Variants in KIT observed in about 807,000 individuals in gnomAD.
KIT encodes the protein KIT proto-oncogene, receptor tyrosine kinase.
A neutral mutation model predicts 105.7 loss-of-function variants in KIT; 16 were observed. That is an observed-to-expected ratio of 0.15 (90% CI 0.10 to 0.23). The LOEUF (loss-of-function observed/expected upper bound fraction) is 0.23, where lower values mean the gene tolerates loss of function less well. Among genes scored for constraint, KIT ranks in the 10% least tolerant of loss-of-function variants. The probability of loss-of-function intolerance (pLI) is 1.00; values close to 1 mark genes in which losing one functional copy is unlikely to be tolerated. For synonymous variants in KIT, 438 were observed against 441.1 expected (o/e 0.99, Z 0.09); for missense variants, 858 against 1,213.8 (o/e 0.71, Z 4.36).
rs140469176 is a variant in KIT at position 54,698,450 on chromosome 4, G to A, written c.504G>A (p.Ala168=). 4.1e-4 allele frequency: 655 copies of A among 1,614,140 alleles called. No individual in the cohort carries two copies. The highest frequency in any genetic ancestry group is 5.1e-4 in the Non-Finnish European group (604 of 1,180,026). Reference sequence around the variant, plus strand: ...TGAGGTTTATTCCTGACCCCAAGGCGGGCATCATGATCAAAAGTGTGAAAC... The same window carrying A: ...TGAGGTTTATTCCTGACCCCAAGGCAGGCATCATGATCAAAAGTGTGAAAC... ...KDLRFIPDPK[A]GIMIKSVKRA... Residue 168 remains alanine (A), a synonymous_variant, in exon 3 of 21, where the codon GCG becomes GCA. Transcript: ENST00000288135.
At chr4:54,689,593 C>G (rs1013413968) in intron 1 of KIT, among the ~76,000 whole-genome samples, 1 of 152,124 alleles carries the variant, frequency 6.6e-6, no homozygotes, top group African/African-American at 2.4e-5. Context: ...GAGGGGCTCA[C>G]AGAGGCTAAT....
At chr4:54,698,904 T>A (rs1304773912) in intron 3 of KIT, among the ~76,000 whole-genome samples, 1 of 152,208 alleles carries the variant, frequency 6.6e-6, no homozygotes, top group Non-Finnish European at 1.5e-5. Flanking sequence ...GTTGAAAAGA[T>A]TAGCATGCAG....
At chr4:54,710,573 C>G (rs1195260069) in intron 7 of KIT, among the ~76,000 whole-genome samples, 1 of 143,304 alleles carries the variant, frequency 7.0e-6, no homozygotes, top group Non-Finnish European at 1.5e-5. Flanking sequence ...GAGACAGAGT[C>G]TCTCACTCTC....
At chr4:54,662,599 A>G (rs1170905215) in intron 1 of KIT, among the ~76,000 whole-genome samples, 2 of 152,146 alleles carry the variant, frequency 1.3e-5, no homozygotes, top group African/African-American at 4.8e-5. Context: ...TAAAGACAGT[A>G]TCTTGCCCTG....
chr4:54,675,024 A>G (rs1718367723), intron 1 of KIT, among the ~76,000 whole-genome samples: 1 of 152,282 alleles, frequency 6.6e-6, no homozygotes, highest in East Asian at 1.9e-4. Flanking sequence ...CCCACTGAAA[A>G]ATTTGCATAT....
chr4:54,731,995 G>T lies in KIT; in HGVS notation c.2358G>T (p.Lys786Asn), dbSNP rs202144208. The T allele has an allele frequency of 3.7e-6, 6 of 1,604,418 alleles. No individual in the cohort carries two copies. The highest frequency in any genetic ancestry group is 5.1e-6 in the Non-Finnish European group (6 of 1,174,240). The change falls in exon 16 of 21, where the codon AAG (lysine) becomes AAT (asparagine). Residue 786 changes from lysine (K) to asparagine (N), a missense_variant. By Grantham distance (94) the Lys-to-Asn change is moderately conservative. This residue lies in a region of KIT where 158 missense variants were observed against 218.7 expected (regional missense o/e 0.72). Coordinates refer to ENST00000288135, the MANE Select transcript of KIT (RefSeq NM_000222.3). ...VAKGMAFLAS[K>N]NCIHRDLAAR... ...AGGGCATGGCTTTCCTCGCCTCCAAGAATGTAAGTGGGAGTGATTCTCTAA... is the reference window on the plus strand; with the variant it reads ...AGGGCATGGCTTTCCTCGCCTCCAATAATGTAAGTGGGAGTGATTCTCTAA...
intron 1 of KIT, among the ~76,000 whole-genome samples, chr4:54,688,608 G>A (rs1577942910): frequency 6.6e-6 from 1 of 152,182 alleles, no homozygotes; most frequent in African/African-American, 2.4e-5. Flanking sequence ...GTTGACCTGG[G>A]CCAGCCACTG....
intron 1 of KIT, among the ~76,000 whole-genome samples, chr4:54,675,823 G>A (rs537764211): frequency 1.3e-5 from 2 of 152,318 alleles, no homozygotes; most frequent in South Asian, 2.1e-4. Flanking sequence ...GGCTGTGGAT[G>A]TGGGCTCCGG....
Position 54,727,928 on chromosome 4 carries a change from G to A in KIT, c.1879+1G>A, listed in dbSNP as rs794726675. 1 of 1,613,726 alleles carries A rather than the reference G, an allele frequency of 6.2e-7. No individual in the cohort carries two copies. Among genetic ancestry groups the A allele is most frequent in the Non-Finnish European group, 8.5e-7 (1 of 1,179,652 alleles). On this transcript the variant is annotated splice_donor_variant, in intron 12 of 20. Transcript: ENST00000288135. LOFTEE classifies it high-confidence loss of function. The stretch of plus-strand genomic sequence containing the variant: ...ACTGTCGCTGTAAAGATGCTCAAGC[G>A]TAAGTTCCTGTATGGTACTGCATGC...
rs3033777 is a variant in KIT, at chr4:54,664,582, ATTATTTATTTAT to A, written c.67+6534_67+6545del. Among the ~76,000 whole-genome samples, 1,303 of 144,362 alleles carry A rather than the reference ATTATTTATTTAT, an allele frequency of 9.0e-3. 15 individuals carry two copies. The highest frequency in any genetic ancestry group is 0.028 in the African/African-American group (1,061 of 38,472). The allele number at this position is 144,362 out of a possible 152,430, so 94.7% of individuals were successfully genotyped here. Reference sequence around the variant, plus strand: ...CAAGACTAAGGGAGAGTCTGTTTTTATTATTTATTTATTTATTTATTTATTTATTTATTTATT... The same window carrying A: ...CAAGACTAAGGGAGAGTCTGTTTTTATTATTTATTTATTTATTTATTTATT... On this transcript the variant is annotated intron_variant, in intron 1 of 20. Transcript: ENST00000288135.
intron 1 of KIT, among the ~76,000 whole-genome samples, chr4:54,691,844 A>G (rs1719733706): frequency 6.6e-6 from 1 of 151,940 alleles, no homozygotes; most frequent in African/African-American, 2.4e-5. Context: ...TGGAAGGGAT[A>G]CAGGGTGTGT....
At position 54,729,394 on chromosome 4, in the gene KIT, A is replaced by G; in HGVS notation, c.2050A>G (p.Arg684Gly). Reference protein sequence around the residue: ...CYGDLLNFLRRKRDSFICSKQ... With the variant: ...CYGDLLNFLRGKRDSFICSKQ... ...TGGTGATCTTTTGAATTTTTTGAGAAGAAAACGTGATTCATTTATTTGTTC... is the reference window on the plus strand; with the variant it reads ...TGGTGATCTTTTGAATTTTTTGAGAGGAAAACGTGATTCATTTATTTGTTC... The change falls in exon 14 of 21, where the codon AGA becomes GGA. Residue 684 changes from arginine to glycine, a missense_variant. Around this residue, in one of 7 missense-constraint regions of KIT, gnomAD observed 158 missense variants for 218.7 expected, o/e 0.72. Transcript: ENST00000288135. The G allele has an allele frequency of 6.2e-7, 1 of 1,613,788 alleles. No homozygotes were observed. Among genetic ancestry groups the G allele is most frequent in the Non-Finnish European group, 8.5e-7 (1 of 1,179,778 alleles).
rs1723117421 is a variant in KIT at position 54,739,343 on chromosome 4, C to G, written c.*786C>G. On this transcript the variant is annotated 3_prime_UTR_variant, in exon 21 of 21. Coordinates refer to ENST00000288135, the MANE Select transcript of KIT (RefSeq NM_000222.3). Reference sequence around the variant, plus strand: ...ACTGTGTATAGAAGTAGATTAAGAGCCATATAAGTTTGAAGGAAACAGTTA... The same window carrying G: ...ACTGTGTATAGAAGTAGATTAAGAGGCATATAAGTTTGAAGGAAACAGTTA... The G allele has an allele frequency of 4.3e-6, 1 of 234,694 alleles. No homozygotes were observed. The highest frequency in any genetic ancestry group is 8.4e-6 in the Non-Finnish European group (1 of 118,982). The allele number at this position is 234,694 out of a possible 1,614,324, so 14.5% of individuals were successfully genotyped here.
chr4:54,702,268 A>G (rs1720499320), intron 4 of KIT, among the ~76,000 whole-genome samples: 1 of 152,198 alleles, frequency 6.6e-6, no homozygotes, highest in Non-Finnish European at 1.5e-5. Context: ...TAGGTACATT[A>G]CAAAAAATAA....
intron 7 of KIT, among the ~76,000 whole-genome samples, chr4:54,720,117 G>T (rs569910506): frequency 1.3e-5 from 2 of 151,998 alleles, no homozygotes; most frequent in Non-Finnish European, 2.9e-5. Flanking sequence ...CTTTGATAAG[G>T]GTTCCTTAAA....
intron 1 of KIT, among the ~76,000 whole-genome samples, chr4:54,674,148 A>G (rs541346209): frequency 6.6e-6 from 1 of 151,938 alleles, no homozygotes; most frequent in East Asian, 1.9e-4. Context: ...TTTTGTCCCT[A>G]CCCACACTGC....
At chr4:54,677,885 G>C (rs1331628849) in intron 1 of KIT, among the ~76,000 whole-genome samples, 1 of 152,228 alleles carries the variant, frequency 6.6e-6, no homozygotes, top group Non-Finnish European at 1.5e-5. Context: ...GAGGGCTCAT[G>C]TTTTGTGAAA....
chr4:54,708,523 C>A (rs1720932910), intron 6 of KIT, among the ~76,000 whole-genome samples: 1 of 152,138 alleles, frequency 6.6e-6, no homozygotes, highest in South Asian at 2.1e-4. Context: ...CGGTCAACGT[C>A]TTCCAAGGAT....
intron 17 of KIT, among the ~76,000 whole-genome samples, chr4:54,733,922 TC>T (rs973020218): frequency 2.5e-4 from 38 of 152,296 alleles, no homozygotes; most frequent in African/African-American, 9.1e-4. Flanking sequence ...CTGCCTGTCT[TC>T]CTGGGCCCAT....
Sources: allele counts gnomAD v4.1 joint callset (sites outside exome capture counted in the v4.1 genomes callset), GRCh38; gene constraint gnomAD v4.1.1; regional missense constraint gnomAD v4.1.1; transcripts MANE v1.5; gene names NCBI Gene and HGNC (gene_info 2026-07-23, HGNC 2026-07-21).